Variants in TPST1 observed in about 807,000 individuals in gnomAD.
TPST1 encodes the protein tyrosylprotein sulfotransferase 1.
In TPST1, 20 loss-of-function variants were observed where a neutral mutation model predicts 34.8. The observed-to-expected ratio is 0.57, with a 90% CI of 0.40 to 0.84. The LOEUF is 0.84. Among genes scored for constraint, TPST1 ranks in the 40% least tolerant of loss-of-function variants. The pLI, the probability that TPST1 is intolerant of heterozygous loss-of-function variation, is 0.00. For synonymous variants in TPST1, 152 were observed against 159.4 expected, an observed-to-expected ratio of 0.95 and a Z score of 0.35; for missense variants, 353 against 455.5, an observed-to-expected ratio of 0.78 and a Z score of 2.05.
chr7:66,319,500 T>G (rs1791705159), intron 3 of TPST1, among the ~76,000 whole-genome samples: 1 of 152,244 alleles, frequency 6.6e-6, no homozygotes, highest in Non-Finnish European at 1.5e-5. Context: ...ATTGTCAGCC[T>G]GCTGTACTTG....
intron 2 of TPST1, among the ~76,000 whole-genome samples, chr7:66,246,794 C>G (rs1321454822): frequency 1.3e-5 from 2 of 152,234 alleles, no homozygotes; most frequent in South Asian, 2.1e-4. Flanking sequence ...CATCTACATT[C>G]TAAGCAGCAC....
At chr7:66,298,360 A>C (rs1305530140) in intron 3 of TPST1, among the ~76,000 whole-genome samples, 1 of 152,206 alleles carries the variant, frequency 6.6e-6, no homozygotes, top group Non-Finnish European at 1.5e-5. Flanking sequence ...CTTCTTGAAG[A>C]AGTAACTCTT....
intron 2 of TPST1, among the ~76,000 whole-genome samples, chr7:66,284,770 T>C (rs1291043463): frequency 6.6e-6 from 1 of 152,138 alleles, no homozygotes; most frequent in Non-Finnish European, 1.5e-5. Context: ...TTGGCCAGGA[T>C]GGTCTCGAAC....
At chr7:66,212,229 C>G (rs1461483599) in intron 1 of TPST1, among the ~76,000 whole-genome samples, 2 of 152,024 alleles carry the variant, frequency 1.3e-5, no homozygotes, top group East Asian at 1.9e-4. Flanking sequence ...TTAACTAGAA[C>G]AAAAACTGTC....
intron 3 of TPST1, among the ~76,000 whole-genome samples, chr7:66,347,915 T>C (rs1397146506): frequency 1.3e-5 from 2 of 152,234 alleles, no homozygotes; most frequent in African/African-American, 4.8e-5. Flanking sequence ...ATATTATCTA[T>C]AAACAAGGAT....
intron 3 of TPST1, among the ~76,000 whole-genome samples, chr7:66,295,798 A>AT (rs1213322844): frequency 4.0e-5 from 6 of 151,854 alleles, no homozygotes; most frequent in East Asian, 1.9e-4. Flanking sequence ...CGCCTGGCTA[A>AT]TTTTTTTTAA....
chr7:66,214,398 TTATAAG>T (rs1789343380), intron 1 of TPST1, among the ~76,000 whole-genome samples: 1 of 151,006 alleles, frequency 6.6e-6, no homozygotes. Flanking sequence ...TTTAAAGTAT[TTATAAG>T]TATAAATATA....
chr7:66,340,187 C>G (rs1024499083), intron 3 of TPST1, among the ~76,000 whole-genome samples: 1 of 151,268 alleles, frequency 6.6e-6, no homozygotes, highest in African/African-American at 2.4e-5. Context: ...AATACAAAGC[C>G]TGGGTGATAG....
chr7:66,231,710 T>G (rs1268247637), intron 1 of TPST1, among the ~76,000 whole-genome samples: 1 of 152,212 alleles, frequency 6.6e-6, no homozygotes, highest in Non-Finnish European at 1.5e-5. Context: ...TGGTTCCCGC[T>G]CGCGCCTCTC....
At chr7:66,229,687 T>C (rs1464714516) in intron 1 of TPST1, among the ~76,000 whole-genome samples, 1 of 152,204 alleles carries the variant, frequency 6.6e-6, no homozygotes, top group Admixed American at 6.5e-5. Flanking sequence ...TTTACATTTA[T>C]TGGACTCTGC....
intron 3 of TPST1, among the ~76,000 whole-genome samples, chr7:66,349,818 AC>A (rs1562855970): frequency 6.6e-6 from 1 of 152,080 alleles, no homozygotes; most frequent in Non-Finnish European, 1.5e-5. Context: ...AAAAACAACA[AC>A]AACAAAAAAC....
intron 2 of TPST1, among the ~76,000 whole-genome samples, chr7:66,273,608 C>G (rs1385560563): frequency 6.6e-6 from 1 of 151,886 alleles, no homozygotes; most frequent in Non-Finnish European, 1.5e-5. Context: ...ATAGAGCGCC[C>G]CCAGAAATAA....
chr7:66,303,670 A>G (rs1312455351), intron 3 of TPST1, among the ~76,000 whole-genome samples: 1 of 152,146 alleles, frequency 6.6e-6, no homozygotes, highest in African/African-American at 2.4e-5. Context: ...TTGGCCTCTC[A>G]AAGTGCTGGG....
chr7:66,202,414 A>G (rs1329919763), upstream of TPST1, among the ~76,000 whole-genome samples: 1 of 152,124 alleles, frequency 6.6e-6, no homozygotes, highest in African/African-American at 2.4e-5. Flanking sequence ...CTTCTTACTG[A>G]ATTCCCCACA....
rs761729253 is a variant in TPST1, at chr7:66,240,894, T to C, written c.469T>C (p.Cys157Arg). ...VKHGEPAPYL[C>R]NKDPFALKSL... is the part of the protein sequence containing the mutation. ...GCATGGGGAGCCAGCCCCTTATTTATGTAATAAAGATCCTTTTGCCCTGAA... is the reference window on the plus strand; with the variant it reads ...GCATGGGGAGCCAGCCCCTTATTTACGTAATAAAGATCCTTTTGCCCTGAA... The change falls in exon 2 of 6, where the codon TGT becomes CGT. Residue 157 changes from cysteine to arginine, a missense_variant. Transcript: ENST00000304842. 6.2e-7 allele frequency: 1 copy of C among 1,614,218 alleles called. No individual in the cohort carries two copies. Among genetic ancestry groups the C allele is most frequent in the Non-Finnish European group, 8.5e-7 (1 of 1,180,046 alleles).
rs1792232767 is a variant in TPST1 at position 66,341,331 on chromosome 7, T to C, written c.1045-11174T>C. Among the ~76,000 whole-genome samples, 3 of 152,104 alleles carry C rather than the reference T, an allele frequency of 2.0e-5. 1 individual carries two copies. The South Asian group carries it at 6.2e-4, about 31-fold the overall frequency. ...TCTCGCTCTGTTGCCCAGGCTGGAG[T>C]GCAGTGGCATGATCTTGGCTCACTG... On this transcript the variant is annotated intron_variant, in intron 3 of 5. Transcript: ENST00000304842.
At chr7:66,253,370 C>CTTT (rs199518226) in intron 2 of TPST1, among the ~76,000 whole-genome samples, 3 of 130,168 alleles carry the variant, frequency 2.3e-5, no homozygotes, top group Admixed American at 7.7e-5. Flanking sequence ...AGATCGCTTT[C>CTTT]TTTTTTTTTT....
At chr7:66,202,087 T>C (rs1395229406), upstream of TPST1, among the ~76,000 whole-genome samples, 2 of 152,180 alleles carry the variant, frequency 1.3e-5, no homozygotes, top group Non-Finnish European at 2.9e-5. Flanking sequence ...TACAAATGGG[T>C]ATATTATACA....
At chr7:66,358,497 T>A (rs1359047142) in intron 5 of TPST1, among the ~76,000 whole-genome samples, 2 of 152,132 alleles carry the variant, frequency 1.3e-5, no homozygotes, top group Non-Finnish European at 2.9e-5. Context: ...TTGTATTCAG[T>A]TCTCAAACCA....
Sources: allele counts gnomAD v4.1 joint callset (sites outside exome capture counted in the v4.1 genomes callset), GRCh38; gene constraint gnomAD v4.1.1; transcripts MANE v1.5; gene names NCBI Gene and HGNC (gene_info 2026-07-23, HGNC 2026-07-21).